ST3GAL3: variants seen among roughly 807,000 people sequenced by gnomAD.
The protein encoded by ST3GAL3 is ST3 beta-galactoside alpha-2,3-sialyltransferase 3.
In ST3GAL3, 21 loss-of-function variants were observed where a neutral mutation model predicts 50.1. The ratio of observed to expected loss-of-function variants is 0.42; its 90% CI spans 0.30 to 0.60. The LOEUF (loss-of-function observed/expected upper bound fraction) is 0.60. Ranked by LOEUF, ST3GAL3 falls within the 20% of genes least tolerant of loss-of-function variation. The pLI, the probability that ST3GAL3 is intolerant of heterozygous loss-of-function variation, is 0.19. For missense variants in ST3GAL3, 353 were observed against 489.4 expected, an observed-to-expected ratio of 0.72 and a Z score of 2.63; for synonymous variants, 183 against 190.0, an observed-to-expected ratio of 0.96 and a Z score of 0.30.
chr1:43,885,841 C>T (rs990056877), intron 5 of ST3GAL3, among the ~76,000 whole-genome samples: 4 of 152,172 alleles, frequency 2.6e-5, no homozygotes, highest in East Asian at 3.8e-4. Flanking sequence ...AAGCCTCCCT[C>T]GGGGAGTCAG....
intron 3 of ST3GAL3, among the ~76,000 whole-genome samples, chr1:43,813,903 GCACACA>G (rs57672840): frequency 0.14 from 17,314 of 125,506 alleles, 1,808 homozygotes; most frequent in East Asian, 0.29. Flanking sequence ...ACGCACACAC[GCACACA>G]CACACACACA....
chr1:43,920,206 T>C, intron 9 of ST3GAL3, 198 bp from the exon 10 acceptor site: 1 of 653,146 alleles, frequency 1.5e-6, no homozygotes, highest in Non-Finnish European at 2.7e-6. Context: ...ACACGCTCTC[T>C]TCACCATCAT....
chr1:43,835,953 C>T (rs1034539118), intron 4 of ST3GAL3, among the ~76,000 whole-genome samples: 1 of 152,234 alleles, frequency 6.6e-6, no homozygotes, highest in African/African-American at 2.4e-5. Flanking sequence ...CTGTGCTGTC[C>T]TGTGCCTTCC....
At chr1:43,746,163 A>G (rs1237415016) in intron 2 of ST3GAL3, among the ~76,000 whole-genome samples, 3 of 152,236 alleles carry the variant, frequency 2.0e-5, no homozygotes, top group Non-Finnish European at 2.9e-5. Context: ...AAGGAAGGAA[A>G]TTTTGACACA....
rs1446953553 is a variant in ST3GAL3, at chr1:43,806,581, G to A, written c.167-8310G>A. Among the ~76,000 whole-genome samples, 3 of 152,310 alleles carry A rather than the reference G, an allele frequency of 2.0e-5. No homozygotes were observed. In the East Asian group the frequency reaches 5.8e-4, roughly 29 times the overall value. ...TCAAGGCTGGAAGGCTGGGGAACAG[G>A]CAAAGATAAGTCTGATTTGTACCAT... On this transcript the variant is annotated intron_variant, in intron 3 of 11. Transcript: ENST00000347631.
chr1:43,823,246 A>G (rs781237483), intron 4 of ST3GAL3, among the ~76,000 whole-genome samples: 15 of 151,962 alleles, frequency 9.9e-5, no homozygotes, highest in South Asian at 2.1e-4. Flanking sequence ...GAACTCCCCA[A>G]TGGCTCCCCA....
intron 4 of ST3GAL3, among the ~76,000 whole-genome samples, chr1:43,836,615 A>G (rs1262144519): frequency 6.6e-6 from 1 of 152,222 alleles, no homozygotes. Flanking sequence ...GCCCCAGCAC[A>G]GTAGAGCAGC....
At chr1:43,770,633 G>A (rs989683490) in intron 2 of ST3GAL3, among the ~76,000 whole-genome samples, 1 of 151,984 alleles carries the variant, frequency 6.6e-6, no homozygotes, top group East Asian at 1.9e-4. Flanking sequence ...GGGCTCAAGC[G>A]TTCCTTCAGC....
At chr1:43,776,515 CTT>C (rs902081180) in intron 2 of ST3GAL3, among the ~76,000 whole-genome samples, 2 of 152,082 alleles carry the variant, frequency 1.3e-5, no homozygotes, top group South Asian at 2.1e-4. Flanking sequence ...ACTTTAAACT[CTT>C]ATTATCAATA....
chr1:43,929,287 T>C (rs1364803219), intron 11 of ST3GAL3, among the ~76,000 whole-genome samples: 1 of 148,156 alleles, frequency 6.7e-6, no homozygotes, highest in Non-Finnish European at 1.5e-5. Flanking sequence ...ATTCTTTCAA[T>C]TAAAAAATTA....
At chr1:43,715,980 TTGAGGGTCCTTGGACTAC>T in intron 1 of ST3GAL3, among the ~76,000 whole-genome samples, 1 of 152,216 alleles carries the variant, frequency 6.6e-6, no homozygotes, top group Non-Finnish European at 1.5e-5. Flanking sequence ...TTGGGGACCC[TTGAGGGTCCTTGGACTAC>T]ACTTTGAGAA....
chr1:43,863,337 G>A (rs1214995058), intron 5 of ST3GAL3, among the ~76,000 whole-genome samples: 1 of 152,208 alleles, frequency 6.6e-6, no homozygotes, highest in East Asian at 1.9e-4. Flanking sequence ...GCTGAAGGCA[G>A]TCACACAGTA....
At chr1:43,859,037 G>A (rs2069221652) in intron 5 of ST3GAL3, among the ~76,000 whole-genome samples, 1 of 152,202 alleles carries the variant, frequency 6.6e-6, no homozygotes, top group Non-Finnish European at 1.5e-5. Flanking sequence ...AGAGGTCTGG[G>A]CTGGAAGAAA....
intron 1 of ST3GAL3, 106 bp from the exon 2 acceptor site, chr1:43,736,127 C>CGA: frequency 9.0e-7 from 1 of 1,111,080 alleles, no homozygotes; most frequent in Non-Finnish European, 1.4e-6. Flanking sequence ...AGTGATAACT[C>CGA]TAAGTTATTC....
chr1:43,859,154 G>A (rs889770366), intron 5 of ST3GAL3, among the ~76,000 whole-genome samples: 19 of 152,162 alleles, frequency 1.2e-4, no homozygotes, highest in Non-Finnish European at 7.3e-5. Context: ...GGAGTTCCTG[G>A]TCAGGGAAAC....
intron 2 of ST3GAL3, among the ~76,000 whole-genome samples, chr1:43,747,450 G>A (rs1257449444): frequency 6.6e-6 from 1 of 151,982 alleles, no homozygotes; most frequent in Non-Finnish European, 1.5e-5. Context: ...TACCTGGGGT[G>A]AAGGATGGGG....
chr1:43,825,099 C>A (rs1456339605), intron 4 of ST3GAL3, among the ~76,000 whole-genome samples: 1 of 152,108 alleles, frequency 6.6e-6, no homozygotes, highest in African/African-American at 2.4e-5. Flanking sequence ...GGCTCAGGTA[C>A]CTTTATGTTT....
rs2084905432 is a variant in ST3GAL3 at position 43,930,755 on chromosome 1, C to T, written c.*534C>T. The stretch of plus-strand genomic sequence containing the variant: ...CAGGATGGTGGGCAGGATCTCAAGC[C>T]AGCCCCCTCCAGCTCATGACACTGT... On this transcript the variant is annotated 3_prime_UTR_variant, in exon 12 of 12. Coordinates refer to ENST00000347631, the MANE Select transcript of ST3GAL3 (RefSeq NM_006279.5). 4.6e-6 allele frequency: 1 copy of T among 218,884 alleles called. No homozygotes were observed. The highest frequency in any genetic ancestry group is 9.3e-6 in the Non-Finnish European group (1 of 107,270). The allele number at this position is 218,884 out of a possible 1,614,324, so 13.6% of individuals were successfully genotyped here. A position where few individuals can be genotyped will look rare whatever the true frequency, so the allele number is the denominator to read the frequency against.
chr1:43,792,823 A>G (rs1204738776), intron 3 of ST3GAL3, among the ~76,000 whole-genome samples: 1 of 152,296 alleles, frequency 6.6e-6, no homozygotes, highest in Non-Finnish European at 1.5e-5. Context: ...GTTGACAGGA[A>G]GTGGGAAGAG....
Sources: allele counts gnomAD v4.1 joint callset (sites outside exome capture counted in the v4.1 genomes callset), GRCh38; gene constraint gnomAD v4.1.1; transcripts MANE v1.5; gene names NCBI Gene and HGNC (gene_info 2026-07-23, HGNC 2026-07-21).